SLC7A7: variants seen among roughly 807,000 people sequenced by gnomAD.
SLC7A7 encodes solute carrier family 7 member 7.
A neutral mutation model predicts 47.9 loss-of-function variants in SLC7A7; 39 were observed. That is an observed-to-expected ratio of 0.81 (90% CI 0.63 to 1.06). The LOEUF is 1.06. SLC7A7 is among the 50% of genes least tolerant of loss of function. The pLI, the probability that SLC7A7 is intolerant of heterozygous loss-of-function variation, is 0.00. For missense variants in SLC7A7, 588 were observed against 632.0 expected (o/e 0.93, Z 0.75); for synonymous variants, 234 against 242.8 (o/e 0.96, Z 0.34).
At chr14:22,804,170 G>C (rs10220286) in intron 2 of SLC7A7, among the ~76,000 whole-genome samples, 50,093 of 151,770 alleles carry the variant, frequency 0.33, 8,511 homozygotes, top group African/African-American at 0.41. Context: ...TGAAACTGGA[G>C]CCCTTCCTTA....
At chr14:22,814,691 T>C (rs1175490505) in intron 1 of SLC7A7, 1 of 152,992 alleles carries the variant, frequency 6.5e-6, no homozygotes, top group Non-Finnish European at 1.5e-5. Flanking sequence ...CATTAGGAAC[T>C]GACCCTACCA....
At chr14:22,776,605 G>C (rs1450493597) in intron 4 of SLC7A7, among the ~76,000 whole-genome samples, 1 of 152,192 alleles carries the variant, frequency 6.6e-6, no homozygotes, top group Non-Finnish European at 1.5e-5. Flanking sequence ...GGCTGAGGCA[G>C]GGAGATGGCT....
intron 2 of SLC7A7, among the ~76,000 whole-genome samples, chr14:22,802,458 C>T (rs1309593399): frequency 6.6e-6 from 1 of 152,076 alleles, no homozygotes; most frequent in Non-Finnish European, 1.5e-5. Context: ...TATCAAGCTT[C>T]TCTGTTTCCT....
At chr14:22,795,380 TG>T (rs2038995123) in intron 2 of SLC7A7, among the ~76,000 whole-genome samples, 1 of 4,070 alleles carries the variant, frequency 2.5e-4, no homozygotes, top group African/African-American at 2.7e-4. Context: ...GAGTATTGCT[TG>T]CTTGCTTTCT....
intron 2 of SLC7A7, among the ~76,000 whole-genome samples, chr14:22,795,963 T>C (rs74036489): frequency 0.14 from 21,027 of 152,082 alleles, 1,602 homozygotes; most frequent in East Asian, 0.21. Flanking sequence ...AGGGACTTGA[T>C]GATCAAAGCA....
rs118004634 is a variant in SLC7A7, at chr14:22,796,248, C to A, written c.500-16197G>T. 2.8e-3 allele frequency among the ~76,000 whole-genome samples: 420 copies of A among 152,240 alleles called. 1 individual carries two copies. Among genetic ancestry groups the A allele is most frequent in the Non-Finnish European group, 4.9e-3 (334 of 68,020 alleles). On this transcript the variant is annotated intron_variant, in intron 2 of 9. Coordinates refer to ENST00000674313, the MANE Select transcript of SLC7A7 (RefSeq NM_003982.4). ...CTCATTAGCCACAAGTACATGAGATCAGTCATTCTGGTACCAGGAGAAGCT... is the reference window on the plus strand; with the variant it reads ...CTCATTAGCCACAAGTACATGAGATAAGTCATTCTGGTACCAGGAGAAGCT...
At chr14:22,819,368 G>A (rs555972578), upstream of SLC7A7, among the ~76,000 whole-genome samples, 2 of 147,378 alleles carry the variant, frequency 1.4e-5, no homozygotes, top group African/African-American at 2.5e-5. Context: ...CCAGTTCTCT[G>A]TTTGTTTTTC....
intron 2 of SLC7A7, among the ~76,000 whole-genome samples, chr14:22,789,652 A>G (rs1181977980): frequency 3.3e-5 from 5 of 151,160 alleles, no homozygotes; most frequent in Non-Finnish European, 5.9e-5. Flanking sequence ...AAAAGAAAAA[A>G]GTTGCAGACA....
At chr14:22,776,828 GCA>G (rs372442375) in intron 4 of SLC7A7, among the ~76,000 whole-genome samples, 10 of 152,144 alleles carry the variant, frequency 6.6e-5, no homozygotes, top group African/African-American at 2.2e-4. Flanking sequence ...AATTAGCCAG[GCA>G]TGGTGGCATG....
At chr14:22,808,897 T>C (rs2138648508) in intron 2 of SLC7A7, among the ~76,000 whole-genome samples, 1 of 152,352 alleles carries the variant, frequency 6.6e-6, no homozygotes, top group Non-Finnish European at 1.5e-5. Context: ...AGAAAGACAG[T>C]AATTTGAAAC....
In SLC7A7 at chr14:22,774,480, C is replaced by T. The variant is rs1805062; in HGVS notation, c.1119G>A (p.Leu373=). Residue 373 remains leucine (L), a synonymous_variant, in exon 8 of 10, where the codon TTG becomes TTA. Coordinates refer to ENST00000674313, the MANE Select transcript of SLC7A7 (RefSeq NM_003982.4). ...TGAGCTGGAAGATGTCTTCCACGCA[C>T]AAGTAGATCAATGCCATGATACCCT... ...LFNGIMALIY[L]CVEDIFQLIN... is the part of the protein sequence containing the mutation. 4,738 of 1,614,108 alleles carry T rather than the reference C, an allele frequency of 2.9e-3. 141 individuals are homozygous for T. The highest frequency in any genetic ancestry group is 1.7e-3 in the East Asian group (76 of 44,878).
intron 2 of SLC7A7, among the ~76,000 whole-genome samples, chr14:22,781,074 C>T (rs142118040): frequency 6.6e-6 from 1 of 152,256 alleles, no homozygotes; most frequent in East Asian, 1.9e-4. Flanking sequence ...TTCATTGCTC[C>T]CTCCTTCCCA....
chr14:22,779,890 T>A (rs1226939165), intron 3 of SLC7A7, 36 bp downstream of exon 3: 1 of 1,605,582 alleles, frequency 6.2e-7, no homozygotes, highest in Non-Finnish European at 8.5e-7. Flanking sequence ...AGAAAATGCT[T>A]AAAAAAGATT....
chr14:22,803,507 A>C (rs1483526825), intron 2 of SLC7A7, among the ~76,000 whole-genome samples: 1 of 152,160 alleles, frequency 6.6e-6, no homozygotes. Flanking sequence ...TTTTGCAAAG[A>C]GGTGAATGGA....
chr14:22,796,339 G>A (rs8008926), intron 2 of SLC7A7, among the ~76,000 whole-genome samples: 120,784 of 152,004 alleles, frequency 0.79, 48,510 homozygotes, highest in Non-Finnish European at 0.86. Context: ...AGCCCACAGC[G>A]GCTCTGGCAG....
intron 3 of SLC7A7, among the ~76,000 whole-genome samples, chr14:22,779,454 CTTT>C (rs35328728): frequency 1.3e-3 from 171 of 136,380 alleles, no homozygotes; most frequent in Middle Eastern, 3.8e-3. Flanking sequence ...ATATTTAATT[CTTT>C]TTTTTTTTTG....
At chr14:22,813,503 G>A (rs1051034608) in intron 1 of SLC7A7, 63 bp from the exon 2 acceptor site, 85 of 1,407,828 alleles carry the variant, frequency 6.0e-5, no homozygotes, top group South Asian at 1.4e-4. Context: ...ACCTCTACCC[G>A]CCTCCAACAC....
At chr14:22,817,691 G>A (rs4982682), upstream of SLC7A7, among the ~76,000 whole-genome samples, 32,473 of 152,096 alleles carry the variant, frequency 0.21, 3,913 homozygotes, top group South Asian at 0.33. Flanking sequence ...TGGCCAGGCC[G>A]GTCTTGAACT....
At chr14:22,817,619 G>A (rs1182682032), upstream of SLC7A7, among the ~76,000 whole-genome samples, 1 of 152,204 alleles carries the variant, frequency 6.6e-6, no homozygotes, top group African/African-American at 2.4e-5. Flanking sequence ...AGGATTACAG[G>A]CATGAGCCAT....
Sources: allele counts gnomAD v4.1 joint callset (sites outside exome capture counted in the v4.1 genomes callset), GRCh38; gene constraint gnomAD v4.1.1; transcripts MANE v1.5; gene names NCBI Gene and HGNC (gene_info 2026-07-23, HGNC 2026-07-21).